The following EFNA2 variants were observed in gnomAD, a reference collection of about 807,000 sequenced individuals.
The protein encoded by EFNA2 is ephrin A2.
In EFNA2, 18 loss-of-function variants were observed where a neutral mutation model predicts 19.7. The ratio of observed to expected loss-of-function variants is 0.91; its 90% CI spans 0.63 to 1.35. The LOEUF is 1.35. EFNA2 is among the 40% of genes most tolerant of loss of function. The pLI is 0.00. For missense variants in EFNA2, 303 were observed against 296.0 expected (o/e 1.02, Z -0.17); for synonymous variants, 187 against 137.8 (o/e 1.36, Z -2.50).
chr19:1,299,831 C>A lies in EFNA2; in HGVS notation c.528C>A (p.Thr176=), dbSNP rs1200378729. Residue 176 remains threonine, a synonymous_variant, in exon 4 of 4, where the codon ACC becomes ACA. Coordinates refer to ENST00000215368, the MANE Select transcript of EFNA2 (RefSeq NM_001405.4). ...TGTCTCTGCCACCCGCAGACGAGAC[C>A]CTGTACGAGGCTCCTGAGCCCATCT... The part of the protein sequence containing the change: ...LKVYVRPTNE[T]LYEAPEPIFT... 1.9e-6 allele frequency: 3 copies of A among 1,601,496 alleles called. No individual in the cohort carries two copies. The highest frequency in any genetic ancestry group is 2.2e-5 in the East Asian group (1 of 44,608).
chr19:1,294,337 C>T lies in EFNA2; in HGVS notation c.141-1208C>T, dbSNP rs1256095390. On this transcript the variant is annotated intron_variant, in intron 1 of 3. Coordinates refer to ENST00000215368, the MANE Select transcript of EFNA2 (RefSeq NM_001405.4). The surrounding 1 kb of genome is among the most constrained non-coding windows in gnomAD (Gnocchi z 5.8). ...GAGGCAGTGAGGGAAGGGGAGCCGC[C>T]GGTCCCTTCCTCGGCTGATCTCTAT... Among the ~76,000 whole-genome samples, 2 of 152,214 alleles carry T rather than the reference C, an allele frequency of 1.3e-5. No homozygotes were observed. Among genetic ancestry groups the T allele is most frequent in the African/African-American group, 2.4e-5 (1 of 41,454 alleles).
rs980072625 is a variant in EFNA2, at chr19:1,287,552, G to C, written c.140+1244G>C. ...AAGGGGTCTCTTTGAGGCGGGCTCGGGGACAAGGGCGGCCCGTGTTCCGCC... is the reference window on the plus strand; with the variant it reads ...AAGGGGTCTCTTTGAGGCGGGCTCGCGGACAAGGGCGGCCCGTGTTCCGCC... On this transcript the variant is annotated intron_variant, in intron 1 of 3. Coordinates refer to ENST00000215368, the MANE Select transcript of EFNA2 (RefSeq NM_001405.4). This position sits in a 1 kb window ranked among gnomAD's most constrained non-coding sequence, Gnocchi z 6.2. Among the ~76,000 whole-genome samples the C allele has an allele frequency of 3.5e-4, 54 of 152,140 alleles. No individual in the cohort carries two copies. Among genetic ancestry groups the C allele is most frequent in the Non-Finnish European group, 7.2e-4 (49 of 68,018 alleles).
chr19:1,299,059 G>A (rs1342009496), intron 3 of EFNA2, among the ~76,000 whole-genome samples: 3 of 152,088 alleles, frequency 2.0e-5, no homozygotes, highest in African/African-American at 4.8e-5. Flanking sequence ...TTAACATGGC[G>A]AAACCCCATC....
upstream of EFNA2, among the ~76,000 whole-genome samples, chr19:1,285,055 G>A (rs972065843): frequency 6.6e-6 from 1 of 152,186 alleles, no homozygotes; most frequent in Non-Finnish European, 1.5e-5. This position sits in a 1 kb window ranked among gnomAD's most constrained non-coding sequence, Gnocchi z 4.1. Flanking sequence ...CAAGACCAGC[G>A]TGGCCAACAT....
Position 1,295,447 on chromosome 19 carries a change from C to T in EFNA2, c.141-98C>T. ...TCGCCGCGCACCCCGACCCGTCCCT[C>T]GTGCTCCTGTCCCCTGACCCTGGCC... On this transcript the variant is annotated intron_variant, in intron 1 of 3. Transcript: ENST00000215368. This position sits in a 1 kb window ranked among gnomAD's most constrained non-coding sequence, Gnocchi z 5.8. 1 of 1,282,506 alleles carries T rather than the reference C, an allele frequency of 7.8e-7. No individual in the cohort carries two copies. 79.4% of individuals were successfully genotyped at this position (1,282,506 alleles called of 1,614,324 possible).
At chr19:1,298,837 T>C (rs1449288600) in intron 3 of EFNA2, among the ~76,000 whole-genome samples, 2 of 152,014 alleles carry the variant, frequency 1.3e-5, no homozygotes, top group Non-Finnish European at 2.9e-5. Context: ...CCCAGCACAT[T>C]GGGATGCTGA....
intron 1 of EFNA2, among the ~76,000 whole-genome samples, chr19:1,290,081 C>T (rs2081484358): frequency 6.6e-6 from 1 of 151,956 alleles, no homozygotes; most frequent in African/African-American, 2.4e-5. Flanking sequence ...GCTTAGCAGC[C>T]TGGAACCCCC....
In EFNA2 at chr19:1,286,721, C is replaced by A. The variant is rs2081466775; in HGVS notation, c.140+413C>A. Among the ~76,000 whole-genome samples, 1 of 152,194 alleles carries A rather than the reference C, an allele frequency of 6.6e-6. No homozygotes were observed. Among genetic ancestry groups the A allele is most frequent in the South Asian group, 2.1e-4 (1 of 4,834 alleles). On this transcript the variant is annotated intron_variant, in intron 1 of 3. Transcript: ENST00000215368. The surrounding 1 kb of genome is among the most constrained non-coding windows in gnomAD (Gnocchi z 5.6). ...GCATTTGGTGGGGATCCCCGGGGAC[C>A]TTGGCACCGGAGGTGGGGGACTGTG...
intron 1 of EFNA2, among the ~76,000 whole-genome samples, chr19:1,291,295 C>T (rs1040137737): frequency 6.6e-6 from 1 of 152,230 alleles, no homozygotes; most frequent in African/African-American, 2.4e-5. Context: ...GGCCCTGCCT[C>T]AGTTTACCCT....
intron 1 of EFNA2, among the ~76,000 whole-genome samples, chr19:1,289,357 C>T (rs1337266388): frequency 1.3e-5 from 2 of 152,184 alleles, no homozygotes; most frequent in Non-Finnish European, 2.9e-5. Flanking sequence ...GTGTGCGTGT[C>T]TGCGTGTGGG....
rs1323191505 is a variant in EFNA2, at chr19:1,297,344, T to C, written c.455-1207T>C. ...AGCGGGTGGGGGACGGGGGAAGGTG[T>C]TTAAATTAAGTCCCCATAATATGAG... On this transcript the variant is annotated intron_variant, in intron 2 of 3. Transcript: ENST00000215368. The surrounding 1 kb of genome is among the most constrained non-coding windows in gnomAD (Gnocchi z 5.0). Among the ~76,000 whole-genome samples the C allele has an allele frequency of 6.6e-6, 1 of 152,146 alleles. No individual in the cohort carries two copies. The highest frequency in any genetic ancestry group is 1.5e-5 in the Non-Finnish European group (1 of 68,010).
At chr19:1,298,056 GAGCAA>G (rs2081523840) in intron 2 of EFNA2, among the ~76,000 whole-genome samples, 2 of 80,636 alleles carry the variant, frequency 2.5e-5, no homozygotes, top group African/African-American at 1.2e-4. Flanking sequence ...TGGGCGACAA[GAGCAA>G]AGCTCCATCA....
At chr19:1,292,545 A>AGGGAACAGCACTGCAGGCAGT (rs1225896056) in intron 1 of EFNA2, among the ~76,000 whole-genome samples, 1 of 152,220 alleles carries the variant, frequency 6.6e-6, no homozygotes, top group African/African-American at 2.4e-5. Flanking sequence ...GGCGGGGCAC[A>AGGGAACAGCACTGCAGGCAGT]GGGAACAGCA....
chr19:1,295,668 C>G lies in EFNA2; in HGVS notation c.264C>G (p.His88Gln). The G allele has an allele frequency of 6.2e-7, 1 of 1,611,702 alleles. No individual in the cohort carries two copies. The highest frequency in any genetic ancestry group is 8.5e-7 in the Non-Finnish European group (1 of 1,179,408). ...TGCCGCCGGCCGAGCGCATGGAGCACTACGTGCTGTACATGGTCAACGGCG... is the reference window on the plus strand; with the variant it reads ...TGCCGCCGGCCGAGCGCATGGAGCAGTACGTGCTGTACATGGTCAACGGCG... ...APLPPAERME[H>Q]YVLYMVNGEG... Residue 88 changes from histidine (H) to glutamine (Q), a missense_variant, in exon 2 of 4, where the codon CAC (histidine) becomes CAG (glutamine). Coordinates refer to ENST00000215368, the MANE Select transcript of EFNA2 (RefSeq NM_001405.4). The surrounding 1 kb of genome is among the most constrained non-coding windows in gnomAD (Gnocchi z 5.8).
In EFNA2 at chr19:1,286,306, C is replaced by G. The variant is rs746069098; in HGVS notation, c.138C>G (p.Pro46=). 1 of 1,003,696 alleles carries G rather than the reference C, an allele frequency of 1.0e-6. No individual in the cohort carries two copies. The highest frequency in any genetic ancestry group is 3.9e-5 in the South Asian group (1 of 25,338). The allele number at this position is 1,003,696 out of a possible 1,614,324, so 62.2% of individuals were successfully genotyped here. Residue 46 remains proline (P), a splice_region_variant and synonymous_variant, in exon 1 of 4, where the codon CCC becomes CCG. Transcript: ENST00000215368. This position sits in a 1 kb window ranked among gnomAD's most constrained non-coding sequence, Gnocchi z 5.6. ...RYAVYWNRSN[P]RFHAGAGDDG... ...CCGTCTACTGGAACCGCAGCAACCC[C>G]AGGTGAGCGCGGCCGCGCGCGGGGG...
At position 1,301,275 on chromosome 19, in the gene EFNA2, C is replaced by A. The variant is rs1349937179; in HGVS notation, c.*1330C>A. Among the ~76,000 whole-genome samples, 1 of 144,760 alleles carries A rather than the reference C, an allele frequency of 6.9e-6. No homozygotes were observed. Among genetic ancestry groups the A allele is most frequent in the Non-Finnish European group, 1.5e-5 (1 of 66,436 alleles). The allele number at this position is 144,760 out of a possible 152,430, so 95.0% of individuals were successfully genotyped here. A position where few individuals can be genotyped will look rare whatever the true frequency, so the allele number is the denominator to read the frequency against. The stretch of plus-strand genomic sequence containing the variant: ...GGCCGCCGGCCGGCGGCTCGAGGCA[C>A]GCCCGGTGGTGGGGGGTGGGCAGAG... On this transcript the variant is annotated 3_prime_UTR_variant, in exon 4 of 4. Coordinates refer to ENST00000215368, the MANE Select transcript of EFNA2 (RefSeq NM_001405.4).
intron 2 of EFNA2, 147 bp from the exon 3 acceptor site, chr19:1,298,404 G>A: frequency 1.4e-6 from 1 of 700,858 alleles, no homozygotes; most frequent in Non-Finnish European, 2.5e-6. Flanking sequence ...TTGTGTCTGG[G>A]GCTTTGATGT....
At chr19:1,288,146 G>C (rs2081474816) in intron 1 of EFNA2, among the ~76,000 whole-genome samples, 1 of 152,268 alleles carries the variant, frequency 6.6e-6, no homozygotes, top group Non-Finnish European at 1.5e-5. Flanking sequence ...GGTATCCAGG[G>C]TTGCTGGGGA....
Position 1,300,026 on chromosome 19 carries a change from GC to G in EFNA2, c.*86del, listed in dbSNP as rs911115064. The G allele has an allele frequency of 4.5e-5, 66 of 1,472,256 alleles. No homozygotes were observed. Among genetic ancestry groups the G allele is most frequent in the Non-Finnish European group, 5.7e-5 (64 of 1,115,372 alleles). The allele number at this position is 1,472,256 out of a possible 1,614,324, so 91.2% of individuals were successfully genotyped here. On this transcript the variant is annotated 3_prime_UTR_variant, in exon 4 of 4. Coordinates refer to ENST00000215368, the MANE Select transcript of EFNA2 (RefSeq NM_001405.4). ...CCTCGGCCCTCCGGACCCGGCTGCG[GC>G]CCCCGCCTCCGAGACCAAATAGAGA...
Sources: allele counts gnomAD v4.1 joint callset (sites outside exome capture counted in the v4.1 genomes callset), GRCh38; gene constraint gnomAD v4.1.1; non-coding constraint Gnocchi (gnomAD v3.1); transcripts MANE v1.5; gene names NCBI Gene and HGNC (gene_info 2026-07-23, HGNC 2026-07-21).